The following CEP85 variants were observed in gnomAD, a reference collection of about 807,000 sequenced individuals.
The protein encoded by CEP85 is centrosomal protein of 85 kDa.
A neutral mutation model predicts 93.7 loss-of-function variants in CEP85; 58 were observed. That is an observed-to-expected ratio of 0.62 (90% CI 0.50 to 0.77). CEP85 has a LOEUF of 0.77. Among genes scored for constraint, CEP85 ranks in the 30% least tolerant of loss-of-function variants. The pLI is 0.00. For synonymous variants in CEP85, 314 were observed against 338.6 expected, an observed-to-expected ratio of 0.93 and a Z score of 0.80; for missense variants, 868 against 922.0, an observed-to-expected ratio of 0.94 and a Z score of 0.76.
chr1:26,243,561 T>C (rs2089461309), intron 2 of CEP85, among the ~76,000 whole-genome samples: 1 of 152,192 alleles, frequency 6.6e-6, no homozygotes. Flanking sequence ...AGATTATGTT[T>C]GTAAGGTCCT....
intron 10 of CEP85, 179 bp from the exon 11 acceptor site, chr1:26,271,842 A>G: frequency 3.2e-6 from 2 of 618,848 alleles, no homozygotes; most frequent in South Asian, 1.9e-5. Context: ...CTGTGAAGCT[A>G]GTTAGCCAGG....
chr1:26,274,182 AAC>A (rs1426420648), intron 11 of CEP85, among the ~76,000 whole-genome samples: 6 of 148,054 alleles, frequency 4.1e-5, no homozygotes, highest in Non-Finnish European at 9.1e-5. Context: ...TACACACACA[AAC>A]ACAGACACAC....
rs1181624854 is a variant in CEP85, at chr1:26,250,935, T to C, written c.209-4236T>C. On this transcript the variant is annotated intron_variant, in intron 3 of 13. Coordinates refer to ENST00000451429, the MANE Select transcript of CEP85 (RefSeq NM_001319944.2). ...TTGCCTTTTTTTTTTCTTTTTTCTT[T>C]TTTTTTTTTTTTTTTTTTTTTTTGA... Among the ~76,000 whole-genome samples, 8 of 71,412 alleles carry C rather than the reference T, an allele frequency of 1.1e-4. No homozygotes were observed. The South Asian group carries it at 4.3e-3, about 38-fold the overall frequency. The allele number at this position is 71,412 out of a possible 152,430, so 46.8% of individuals were successfully genotyped here. A position where few individuals can be genotyped will look rare whatever the true frequency, so the allele number is the denominator to read the frequency against.
chr1:26,273,896 A>G (rs1257993953), intron 11 of CEP85, among the ~76,000 whole-genome samples: 3 of 116,334 alleles, frequency 2.6e-5, no homozygotes, highest in Non-Finnish European at 5.5e-5. Context: ...GTGAAACCCC[A>G]TCTCAAAATA....
At chr1:26,256,947 G>GTGTGTGTGTT (rs2089715110) in intron 4 of CEP85, among the ~76,000 whole-genome samples, 1 of 149,938 alleles carries the variant, frequency 6.7e-6, no homozygotes, top group Admixed American at 6.7e-5. Context: ...GTGTGTGTGT[G>GTGTGTGTGTT]TGTGTGTGTT....
chr1:26,250,360 G>T (rs2089586890), intron 3 of CEP85, among the ~76,000 whole-genome samples: 1 of 152,220 alleles, frequency 6.6e-6, no homozygotes. Flanking sequence ...AGGGATCTAG[G>T]TTGCTCAGTC....
At chr1:26,247,744 C>G (rs906393781) in intron 3 of CEP85, among the ~76,000 whole-genome samples, 4 of 152,174 alleles carry the variant, frequency 2.6e-5, no homozygotes, top group Non-Finnish European at 5.9e-5. Context: ...TGGGCTCAAC[C>G]TATCTTTCCA....
chr1:26,274,933 T>C (rs1327316962), intron 11 of CEP85, 31 bp from the exon 12 acceptor site: 2 of 1,527,756 alleles, frequency 1.3e-6, no homozygotes, highest in South Asian at 1.2e-5. Flanking sequence ...ACCCCTACTG[T>C]GTTCCCTCAA....
At chr1:26,266,505 T>G (rs901710242) in intron 7 of CEP85, among the ~76,000 whole-genome samples, 3 of 152,272 alleles carry the variant, frequency 2.0e-5, no homozygotes, top group African/African-American at 7.2e-5. Flanking sequence ...GATAAACATT[T>G]ATGGTCAGTT....
In CEP85 at chr1:26,277,307, A is replaced by G; in HGVS notation, c.*14A>G. The G allele has an allele frequency of 6.2e-7, 1 of 1,605,190 alleles. No homozygotes were observed. The highest frequency in any genetic ancestry group is 8.5e-7 in the Non-Finnish European group (1 of 1,172,490). On this transcript the variant is annotated 3_prime_UTR_variant, in exon 14 of 14. Transcript: ENST00000451429. Reference sequence around the variant, plus strand: ...GTCACACAGTGAGGAATTCTGGGGGATTCCCCCAGGGAGGAGCTGGGCTGC... The same window carrying G: ...GTCACACAGTGAGGAATTCTGGGGGGTTCCCCCAGGGAGGAGCTGGGCTGC...
Position 26,264,063 on chromosome 1 carries a change from T to C in CEP85, c.1341+4261T>C, listed in dbSNP as rs146509897. Among the ~76,000 whole-genome samples the C allele has an allele frequency of 2.6e-3, 403 of 152,376 alleles. 1 individual carries two copies. Among genetic ancestry groups the C allele is most frequent in the African/African-American group, 9.3e-3 (385 of 41,592 alleles). On this transcript the variant is annotated intron_variant, in intron 7 of 13. Coordinates refer to ENST00000451429, the MANE Select transcript of CEP85 (RefSeq NM_001319944.2). ...CGCTTTTTTTCTTCAGTGAATTTTATACATCTGTTTTTGTTTCATGGGTAC... is the reference window on the plus strand; with the variant it reads ...CGCTTTTTTTCTTCAGTGAATTTTACACATCTGTTTTTGTTTCATGGGTAC...
At chr1:26,260,067 A>G (rs757352102) in intron 7 of CEP85, among the ~76,000 whole-genome samples, 22 of 152,190 alleles carry the variant, frequency 1.4e-4, no homozygotes, top group Non-Finnish European at 2.9e-4. Context: ...GTGCTGTGCA[A>G]TGTACCACCA....
chr1:26,267,653 C>T (rs1182128095), intron 7 of CEP85, among the ~76,000 whole-genome samples: 8 of 152,228 alleles, frequency 5.3e-5, no homozygotes, highest in Non-Finnish European at 7.3e-5. Context: ...TCCATGCCCT[C>T]TCCTTGTGGA....
intron 3 of CEP85, among the ~76,000 whole-genome samples, chr1:26,249,647 T>C (rs755156186): frequency 2.6e-5 from 4 of 152,176 alleles, no homozygotes; most frequent in Non-Finnish European, 5.9e-5. Flanking sequence ...GGCTACTGAA[T>C]CACTTCAGGT....
chr1:26,239,459 C>G (rs1303059077), intron 1 of CEP85, among the ~76,000 whole-genome samples: 1 of 152,104 alleles, frequency 6.6e-6, no homozygotes. Flanking sequence ...TCAAGCAATC[C>G]TTGTGCCTCA....
chr1:26,246,411 G>T (rs2089509296), intron 3 of CEP85, among the ~76,000 whole-genome samples: 1 of 152,078 alleles, frequency 6.6e-6, no homozygotes, highest in Non-Finnish European at 1.5e-5. Flanking sequence ...GCAATAAAAA[G>T]AAATGAAATA....
chr1:26,273,051 G>A (rs11247895), intron 11 of CEP85, among the ~76,000 whole-genome samples: 24,786 of 152,114 alleles, frequency 0.16, 2,122 homozygotes, highest in Middle Eastern at 0.19. Context: ...CTCGTGAGAG[G>A]TGATGAGGGA....
At chr1:26,269,719 T>C in intron 9 of CEP85, 105 bp downstream of exon 9, 1 of 872,458 alleles carries the variant, frequency 1.1e-6, no homozygotes, top group Non-Finnish European at 1.8e-6. Flanking sequence ...AAAATCATTT[T>C]ACTTATCTGA....
At chr1:26,262,240 G>A (rs374586648) in intron 7 of CEP85, among the ~76,000 whole-genome samples, 18 of 152,106 alleles carry the variant, frequency 1.2e-4, no homozygotes, top group African/African-American at 3.9e-4. Flanking sequence ...ACAGGAGGCG[G>A]AGGTTGCAGT....
Sources: allele counts gnomAD v4.1 joint callset (sites outside exome capture counted in the v4.1 genomes callset), GRCh38; gene constraint gnomAD v4.1.1; transcripts MANE v1.5; gene names NCBI Gene and HGNC (gene_info 2026-07-23, HGNC 2026-07-21).